FSHR: variants seen among roughly 807,000 people sequenced by gnomAD.
FSHR encodes follicle stimulating hormone receptor.
In FSHR, 46 loss-of-function variants were observed where a neutral mutation model predicts 52.1. That is an observed-to-expected ratio of 0.88 (90% CI 0.70 to 1.13). The LOEUF is 1.13. Among genes scored for constraint, FSHR ranks in the 50% most tolerant of loss-of-function variants. The pLI is 0.00. For synonymous variants in FSHR, 399 were observed against 309.6 expected (o/e 1.29, Z -3.03); for missense variants, 964 against 834.6 (o/e 1.16, Z -1.91).
At chr2:49,142,733 C>G (rs974554617) in intron 1 of FSHR, among the ~76,000 whole-genome samples, 3 of 151,928 alleles carry the variant, frequency 2.0e-5, no homozygotes, top group African/African-American at 7.3e-5. Flanking sequence ...TTGCAGTAGC[C>G]CAGGTGAGGG....
At chr2:49,095,807 T>C (rs1670804761) in intron 1 of FSHR, among the ~76,000 whole-genome samples, 1 of 152,160 alleles carries the variant, frequency 6.6e-6, no homozygotes, top group South Asian at 2.1e-4. Flanking sequence ...GGGTGAAGAT[T>C]TGAAAATATA....
At chr2:49,059,628 A>G (rs1558416906) in intron 2 of FSHR, 1 of 152,606 alleles carries the variant, frequency 6.6e-6, no homozygotes, top group Non-Finnish European at 1.5e-5. Context: ...TTTTGCTATT[A>G]GAAAGTAATG....
chr2:49,004,073 C>T (rs1247984694), intron 4 of FSHR, among the ~76,000 whole-genome samples: 1 of 152,184 alleles, frequency 6.6e-6, no homozygotes, highest in Non-Finnish European at 1.5e-5. Context: ...TCTTCAGTTT[C>T]CACTGTCCAC....
chr2:49,007,213 A>T (rs1472479964), intron 4 of FSHR, among the ~76,000 whole-genome samples: 2 of 152,104 alleles, frequency 1.3e-5, no homozygotes, highest in Non-Finnish European at 2.9e-5. Context: ...ATAGCTAAGC[A>T]CGAAAAGTAT....
intron 2 of FSHR, among the ~76,000 whole-genome samples, chr2:49,023,831 C>T (rs778283639): frequency 4.6e-5 from 7 of 152,136 alleles, no homozygotes; most frequent in Non-Finnish European, 1.0e-4. Flanking sequence ...AGGATAGGGA[C>T]ATGTGCTTCC....
intron 8 of FSHR, among the ~76,000 whole-genome samples, chr2:48,973,273 C>G (rs1179484821): frequency 6.6e-6 from 1 of 152,042 alleles, no homozygotes; most frequent in African/African-American, 2.4e-5. Context: ...CACACACATG[C>G]ACATGCAAAT....
At chr2:49,061,061 AG>A (rs962431373) in intron 2 of FSHR, among the ~76,000 whole-genome samples, 6 of 152,204 alleles carry the variant, frequency 3.9e-5, no homozygotes, top group Non-Finnish European at 7.4e-5. Flanking sequence ...GGATCAAGGT[AG>A]TACTGTACCT....
chr2:49,005,394 A>T (rs1322674006), intron 4 of FSHR, among the ~76,000 whole-genome samples: 1 of 152,158 alleles, frequency 6.6e-6, no homozygotes, highest in African/African-American at 2.4e-5. Context: ...CTGATAAAAA[A>T]AGCAATTGTA....
At chr2:49,127,805 C>G (rs1405946744) in intron 1 of FSHR, among the ~76,000 whole-genome samples, 8 of 55,556 alleles carry the variant, frequency 1.4e-4, no homozygotes, top group Non-Finnish European at 2.5e-4. Flanking sequence ...TCTTCTTCTT[C>G]TTCTTCTTCT....
At chr2:49,139,202 T>C (rs557545372) in intron 1 of FSHR, among the ~76,000 whole-genome samples, 5 of 152,146 alleles carry the variant, frequency 3.3e-5, no homozygotes, top group Non-Finnish European at 5.9e-5. Flanking sequence ...ACATAGAACT[T>C]TAAAAAGGGA....
intron 1 of FSHR, among the ~76,000 whole-genome samples, chr2:49,070,323 T>C (rs1023405948): frequency 8.5e-5 from 13 of 152,302 alleles, no homozygotes; most frequent in African/African-American, 2.6e-4. Context: ...AAATAAAAGG[T>C]GATCTAATTT....
chr2:49,088,641 A>C (rs567821159), intron 1 of FSHR, among the ~76,000 whole-genome samples: 1 of 152,172 alleles, frequency 6.6e-6, no homozygotes, highest in African/African-American at 2.4e-5. Context: ...ACCTGATTTA[A>C]CTGTGAATTT....
chr2:49,099,968 C>G (rs984742527), intron 1 of FSHR, among the ~76,000 whole-genome samples: 2 of 152,054 alleles, frequency 1.3e-5, no homozygotes, highest in African/African-American at 4.8e-5. Flanking sequence ...CTGTATAAAT[C>G]CAAAGCTAAG....
intron 2 of FSHR, among the ~76,000 whole-genome samples, chr2:49,021,331 C>G (rs1423729182): frequency 6.6e-6 from 1 of 152,048 alleles, no homozygotes; most frequent in Non-Finnish European, 1.5e-5. Flanking sequence ...GCAGCTTAAT[C>G]AGTTAATATT....
chr2:48,998,778 G>T (rs1676134757), intron 4 of FSHR, among the ~76,000 whole-genome samples: 1 of 151,502 alleles, frequency 6.6e-6, no homozygotes, highest in African/African-American at 2.4e-5. Flanking sequence ...TAAAAAAAAA[G>T]CATATTCCAT....
intron 2 of FSHR, among the ~76,000 whole-genome samples, chr2:49,033,376 A>G (rs1489423352): frequency 6.6e-6 from 1 of 152,226 alleles, no homozygotes; most frequent in Non-Finnish European, 1.5e-5. Context: ...CTGAGCATGG[A>G]TTCTAAAGGA....
At chr2:49,079,826 C>G (rs925787624) in intron 1 of FSHR, among the ~76,000 whole-genome samples, 1 of 151,788 alleles carries the variant, frequency 6.6e-6, no homozygotes, top group African/African-American at 2.4e-5. Flanking sequence ...TAAAAAAACA[C>G]ACAAAAATCC....
At position 49,013,232 on chromosome 2, in the gene FSHR, C is replaced by T. The variant is rs546348769; in HGVS notation, c.374+4257G>A. On this transcript the variant is annotated intron_variant, in intron 4 of 9. Coordinates refer to ENST00000406846, the MANE Select transcript of FSHR (RefSeq NM_000145.4). The stretch of plus-strand genomic sequence containing the variant: ...AAATTGGCCAGTACCTCTTGGACTT[C>T]CCAGCCTCTAGAACTGTCAGAAATA... Among the ~76,000 whole-genome samples, 3 of 151,390 alleles carry T rather than the reference C, an allele frequency of 2.0e-5. No homozygotes were observed. The South Asian group carries it at 6.3e-4, about 32-fold the overall frequency.
chr2:49,101,043 A>G (rs1024719307), intron 1 of FSHR, among the ~76,000 whole-genome samples: 14 of 152,326 alleles, frequency 9.2e-5, no homozygotes, highest in African/African-American at 3.4e-4. Context: ...AACATATGCA[A>G]TGGTGTAATC....
Sources: gnomAD v4.1 joint callset for allele counts (sites outside exome capture counted in the v4.1 genomes callset) on GRCh38, gnomAD v4.1.1 for gene constraint, MANE v1.5 for transcripts, NCBI Gene and HGNC (gene_info 2026-07-23, HGNC 2026-07-21) for gene names.